The following ZNF678 variants were observed in gnomAD, a reference collection of about 807,000 sequenced individuals.
The protein encoded by ZNF678 is zinc finger protein 678.
In ZNF678, 5 loss-of-function variants were observed where a neutral mutation model predicts 3.0. The ratio of observed to expected loss-of-function variants is 1.69; its 90% confidence interval spans 0.88 to 3.56. The LOEUF (loss-of-function observed/expected upper bound fraction) is 3.56, where lower values mean the gene tolerates loss of function less well. Ranked by LOEUF, ZNF678 falls within the 30% of genes most tolerant of loss-of-function variation. The probability of loss-of-function intolerance (pLI) is 0.00; values close to 1 mark genes in which losing one functional copy is unlikely to be tolerated. For missense variants in ZNF678, 593 were observed against 605.0 expected, an observed-to-expected ratio of 0.98 and a Z score of 0.21; for synonymous variants, 218 against 199.6, an observed-to-expected ratio of 1.09 and a Z score of -0.78.
chr1:227,635,779 A>T (rs776812965), intron 1 of ZNF678, among the ~76,000 whole-genome samples: 1 of 152,076 alleles, frequency 6.6e-6, no homozygotes, highest in South Asian at 2.1e-4. Context: ...TGCTTCTGCT[A>T]TCTTGCCGGC....
intron 1 of ZNF678, among the ~76,000 whole-genome samples, chr1:227,593,366 T>A (rs1405054336): frequency 6.6e-6 from 1 of 152,230 alleles, no homozygotes; most frequent in African/African-American, 2.4e-5. Context: ...GATGACCCTC[T>A]AGTAAAATGA....
chr1:227,669,057 A>G (rs1458509357), intron 5 of ZNF678, among the ~76,000 whole-genome samples: 3 of 152,148 alleles, frequency 2.0e-5, no homozygotes, highest in African/African-American at 7.2e-5. Context: ...ACAAGTTAAC[A>G]AATGGGACCT....
intron 1 of ZNF678, among the ~76,000 whole-genome samples, chr1:227,639,219 G>A (rs529479694): frequency 1.3e-5 from 2 of 152,312 alleles, no homozygotes; most frequent in African/African-American, 4.8e-5. Flanking sequence ...CTTCATTGCC[G>A]CACTTGAAAC....
intron 1 of ZNF678, among the ~76,000 whole-genome samples, chr1:227,571,134 A>G (rs1656830053): frequency 6.6e-6 from 1 of 152,228 alleles, no homozygotes; most frequent in East Asian, 1.9e-4. Context: ...TATTAGTAAT[A>G]TAAATAGTTA....
Position 227,584,104 on chromosome 1 carries a change from A to G in ZNF678, c.-164+20380A>G, listed in dbSNP as rs77050000. Among the ~76,000 whole-genome samples the G allele has an allele frequency of 4.8e-3, 735 of 152,314 alleles. 4 individuals are homozygous for G. The highest frequency in any genetic ancestry group is 0.015 in the African/African-American group (625 of 41,558). On this transcript the variant is annotated intron_variant, in intron 1 of 3. Transcript: ENST00000343776. Reference sequence around the variant, plus strand: ...AGTTCTGAAGACCTTTAAAATGTACATTGTTGGGGAAGTCCACACCAATTG... The same window carrying G: ...AGTTCTGAAGACCTTTAAAATGTACGTTGTTGGGGAAGTCCACACCAATTG...
intron 1 of ZNF678, among the ~76,000 whole-genome samples, chr1:227,630,513 A>G (rs552653613): frequency 1.1e-4 from 17 of 152,350 alleles, no homozygotes; most frequent in African/African-American, 4.1e-4. Context: ...TAGCAATAAC[A>G]TTATATCTCT....
rs147872030 is a variant in ZNF678, at chr1:227,614,415, C to T, written c.-163-32129C>T. ...ACTTTGCTGCCACTTGACTCCTATC[C>T]TGCTGGCTCTGCCATCTTGCATGTG... On this transcript the variant is annotated intron_variant, in intron 1 of 3. Transcript: ENST00000343776. Among the ~76,000 whole-genome samples, 1,138 of 152,306 alleles carry T rather than the reference C, an allele frequency of 7.5e-3. 7 individuals carry two copies. Among genetic ancestry groups the T allele is most frequent in the Non-Finnish European group, 0.013 (879 of 68,028 alleles).
chr1:227,668,389 G>A (rs1031763574), intron 5 of ZNF678, among the ~76,000 whole-genome samples: 1 of 152,118 alleles, frequency 6.6e-6, no homozygotes, highest in African/African-American at 2.4e-5. Flanking sequence ...TGGTATTGGA[G>A]CTAAAAAAAT....
chr1:227,675,567 C>T (rs2102822963), intron 5 of ZNF678, among the ~76,000 whole-genome samples: 1 of 152,210 alleles, frequency 6.6e-6, no homozygotes, highest in South Asian at 2.1e-4. Flanking sequence ...AAAAGTACAT[C>T]ATGTTTTGTT....
At chr1:227,595,760 A>C (rs1368961459) in intron 1 of ZNF678, among the ~76,000 whole-genome samples, 1 of 152,194 alleles carries the variant, frequency 6.6e-6, no homozygotes, top group Non-Finnish European at 1.5e-5. Context: ...CCAAAACCAA[A>C]GTATCAAACA....
At chr1:227,575,146 C>A (rs543000526) in intron 1 of ZNF678, among the ~76,000 whole-genome samples, 5 of 152,282 alleles carry the variant, frequency 3.3e-5, no homozygotes, top group African/African-American at 9.6e-5. Context: ...GTTATTGTAG[C>A]CCTGTAGTAT....
chr1:227,609,817 T>G (rs1657969492), intron 1 of ZNF678, among the ~76,000 whole-genome samples: 1 of 151,824 alleles, frequency 6.6e-6, no homozygotes, highest in Non-Finnish European at 1.5e-5. Context: ...CACTGCAACC[T>G]CTGCCTCCCA....
chr1:227,603,969 A>G (rs959860239), intron 1 of ZNF678, among the ~76,000 whole-genome samples: 2 of 152,180 alleles, frequency 1.3e-5, no homozygotes, highest in Non-Finnish European at 2.9e-5. Context: ...GGTTTCTATT[A>G]GTTTGTTTGA....
chr1:227,645,810 C>A (rs1438506316), intron 1 of ZNF678, among the ~76,000 whole-genome samples: 2 of 152,160 alleles, frequency 1.3e-5, no homozygotes, highest in Non-Finnish European at 2.9e-5. Context: ...TTTTCTGTTA[C>A]AGTTGATGTT....
intron 1 of ZNF678, among the ~76,000 whole-genome samples, chr1:227,615,619 G>T (rs1658124277): frequency 6.6e-6 from 1 of 152,156 alleles, no homozygotes; most frequent in Admixed American, 6.5e-5. Context: ...CCATGCAATT[G>T]TTTTTTCAAG....
At chr1:227,622,883 G>T (rs1327944154) in intron 1 of ZNF678, among the ~76,000 whole-genome samples, 1 of 152,080 alleles carries the variant, frequency 6.6e-6, no homozygotes, top group Admixed American at 6.5e-5. Flanking sequence ...GGGTTTTAGG[G>T]GCTGCATTCC....
At chr1:227,626,804 A>G (rs527310187) in intron 1 of ZNF678, among the ~76,000 whole-genome samples, 12 of 151,968 alleles carry the variant, frequency 7.9e-5, no homozygotes, top group African/African-American at 1.4e-4. Flanking sequence ...TTGTATGTCT[A>G]ATGTCTGGGA....
intron 1 of ZNF678, among the ~76,000 whole-genome samples, chr1:227,631,992 A>G (rs1658557984): frequency 6.6e-6 from 1 of 152,232 alleles, no homozygotes; most frequent in South Asian, 2.1e-4. Context: ...GGCCCTGGCC[A>G]AGGAGCCAAG....
chr1:227,645,904 T>C (rs1251217135), intron 1 of ZNF678, among the ~76,000 whole-genome samples: 2 of 152,216 alleles, frequency 1.3e-5, no homozygotes, highest in African/African-American at 2.4e-5. Flanking sequence ...ATTAAGTACA[T>C]TGGGGAGATT....
Sources: allele counts gnomAD v4.1 joint callset (sites outside exome capture counted in the v4.1 genomes callset), GRCh38; gene constraint gnomAD v4.1.1; transcripts MANE v1.5; gene names NCBI Gene and HGNC (gene_info 2026-07-23, HGNC 2026-07-21).